NDFIP1: variants seen among roughly 807,000 people sequenced by gnomAD.
NDFIP1 encodes NEDD4 family-interacting protein 1.
Under a neutral mutation model 28.8 loss-of-function variants are expected in NDFIP1, and 7 were observed. The observed-to-expected ratio is 0.24, with a 90% CI of 0.14 to 0.46. The LOEUF (loss-of-function observed/expected upper bound fraction) is 0.46. NDFIP1 is among the 20% of genes least tolerant of loss of function. NDFIP1 has a pLI of 0.99. For missense variants in NDFIP1, 194 were observed against 269.1 expected, an observed-to-expected ratio of 0.72 and a Z score of 1.95; for synonymous variants, 92 against 101.0, an observed-to-expected ratio of 0.91 and a Z score of 0.53.
chr5:142,140,536 T>C, intron 5 of NDFIP1, 27 bp from the exon 6 acceptor site: 1 of 1,579,800 alleles, frequency 6.3e-7, no homozygotes, highest in African/African-American at 1.4e-5. Flanking sequence ...GTTAAGCTGC[T>C]ATAAAGTGTT....
intron 3 of NDFIP1, among the ~76,000 whole-genome samples, chr5:142,134,601 A>G (rs1338135349): frequency 6.6e-6 from 1 of 152,186 alleles, no homozygotes; most frequent in Non-Finnish European, 1.5e-5. Context: ...TTCTGTGTAC[A>G]ACAAGTTTTG....
chr5:142,115,154 T>G (rs13184323), intron 1 of NDFIP1, among the ~76,000 whole-genome samples: 102,401 of 152,102 alleles, frequency 0.67, 34,805 homozygotes, highest in African/African-American at 0.77. Context: ...AGAAAAAAAG[T>G]CTCCAAGAGA....
intron 1 of NDFIP1, among the ~76,000 whole-genome samples, chr5:142,110,121 GT>G (rs1303469256): frequency 6.6e-6 from 1 of 152,166 alleles, no homozygotes; most frequent in African/African-American, 2.4e-5. Context: ...CCGGTTACTG[GT>G]TTGTTTTGCT....
intron 1 of NDFIP1, among the ~76,000 whole-genome samples, chr5:142,128,593 C>G (rs191528812): frequency 6.6e-6 from 1 of 152,270 alleles, no homozygotes; most frequent in Non-Finnish European, 1.5e-5. Context: ...CCCGCGATCC[C>G]CCTACATTGC....
chr5:142,136,919 CCG>C (rs1311177204), intron 4 of NDFIP1, among the ~76,000 whole-genome samples: 3 of 17,790 alleles, frequency 1.7e-4, no homozygotes, highest in African/African-American at 4.2e-4. Context: ...CAAAAATTAG[CCG>C]TTAGCCGGGC....
At chr5:142,112,992 C>T (rs1350239141) in intron 1 of NDFIP1, among the ~76,000 whole-genome samples, 4 of 152,120 alleles carry the variant, frequency 2.6e-5, no homozygotes, top group Non-Finnish European at 4.4e-5. Flanking sequence ...CATAGATGAA[C>T]GCAGATCTTC....
chr5:142,119,092 A>T (rs1757097533), intron 1 of NDFIP1, among the ~76,000 whole-genome samples: 1 of 152,234 alleles, frequency 6.6e-6, no homozygotes, highest in Non-Finnish European at 1.5e-5. Context: ...GTGGGTATAC[A>T]CATCTGTAAC....
chr5:142,122,973 T>C (rs185809999), intron 1 of NDFIP1, among the ~76,000 whole-genome samples: 2 of 152,288 alleles, frequency 1.3e-5, no homozygotes, highest in Admixed American at 6.5e-5. Context: ...TGGTTTTGTT[T>C]TGTGTTTTAG....
At chr5:142,112,339 C>T (rs966594944) in intron 1 of NDFIP1, among the ~76,000 whole-genome samples, 1 of 151,304 alleles carries the variant, frequency 6.6e-6, no homozygotes, top group African/African-American at 2.4e-5. Flanking sequence ...GAACTGAGAT[C>T]GTGCCACTGC....
Position 142,117,389 on chromosome 5 carries a change from G to T in NDFIP1, c.63+8352G>T, listed in dbSNP as rs368101745. On this transcript the variant is annotated intron_variant, in intron 1 of 7. Coordinates refer to ENST00000253814, the MANE Select transcript of NDFIP1 (RefSeq NM_030571.4). The stretch of plus-strand genomic sequence containing the variant: ...CTCCTGAGTAGCTGGGACTACAGGC[G>T]CCCGCTATCACGCCCAGCTAATTTT... 8.6e-5 allele frequency among the ~76,000 whole-genome samples: 13 copies of T among 151,476 alleles called. No individual in the cohort carries two copies. The East Asian group carries it at 1.2e-3, about 14-fold the overall frequency.
chr5:142,125,352 G>A, intron 1 of NDFIP1, among the ~76,000 whole-genome samples: 1 of 152,144 alleles, frequency 6.6e-6, no homozygotes, highest in East Asian at 1.9e-4. Flanking sequence ...ATTGCTTGAT[G>A]TTAATATAAA....
chr5:142,131,705 C>T (rs1387589764), intron 1 of NDFIP1, 103 bp from the exon 2 acceptor site: 29 of 771,724 alleles, frequency 3.8e-5, no homozygotes, highest in Admixed American at 2.9e-4. Flanking sequence ...TTTCAAAATA[C>T]GTTGCCAAAT....
chr5:142,112,163 A>G (rs1464948474), intron 1 of NDFIP1, among the ~76,000 whole-genome samples: 1 of 152,144 alleles, frequency 6.6e-6, no homozygotes. Context: ...CAGATCACAA[A>G]GATCACGAGG....
chr5:142,136,112 C>G (rs577397577), intron 4 of NDFIP1, among the ~76,000 whole-genome samples: 1 of 152,276 alleles, frequency 6.6e-6, no homozygotes, highest in Admixed American at 6.5e-5. Context: ...TTTTGCGTTG[C>G]TTCTACTCAT....
rs1027303768 is a variant in NDFIP1, at chr5:142,153,415, G to T, written c.*1687G>T. On this transcript the variant is annotated 3_prime_UTR_variant, in exon 8 of 8. Transcript: ENST00000253814. ...AGAATCAGCATAGGAAGTCGTTCAGGATATCAGTATATAATGCACAGAAGT... is the reference window on the plus strand; with the variant it reads ...AGAATCAGCATAGGAAGTCGTTCAGTATATCAGTATATAATGCACAGAAGT... 2.2e-6 allele frequency: 1 copy of T among 457,060 alleles called. No homozygotes were observed. The highest frequency in any genetic ancestry group is 4.4e-6 in the Non-Finnish European group (1 of 227,040). 28.3% of individuals were successfully genotyped at this position (457,060 alleles called of 1,614,324 possible).
intron 5 of NDFIP1, among the ~76,000 whole-genome samples, chr5:142,140,020 T>C (rs1029926675): frequency 3.3e-5 from 5 of 152,218 alleles, no homozygotes; most frequent in Non-Finnish European, 7.3e-5. Context: ...CTAAAAGCTG[T>C]CATATTTAAC....
chr5:142,144,640 A>G lies in NDFIP1; in HGVS notation c.632A>G (p.Asn211Ser), dbSNP rs1323810470. The G allele has an allele frequency of 6.2e-7, 1 of 1,612,834 alleles. No individual in the cohort carries two copies. The highest frequency in any genetic ancestry group is 8.5e-7 in the Non-Finnish European group (1 of 1,179,252). ...CGGAAGATGCCAGAAACTTTCTCAAATCTCCCCAGGACCAGAGTTCTCTTT... is the reference window on the plus strand; with the variant it reads ...CGGAAGATGCCAGAAACTTTCTCAAGTCTCCCCAGGACCAGAGTTCTCTTT... ...KVRKMPETFS[N>S]LPRTRVLFIY The change falls in exon 7 of 8, where the codon AAT (asparagine) becomes AGT (serine). Residue 211 changes from asparagine to serine, a missense_variant. Physicochemically the swap from Asn to Ser is conservative, Grantham distance 46 (BLOSUM62 1). Coordinates refer to ENST00000253814, the MANE Select transcript of NDFIP1 (RefSeq NM_030571.4).
intron 6 of NDFIP1, chr5:142,142,940 A>AAAAATATATATATATATAT (rs60076432): frequency 5.2e-5 from 2 of 38,122 alleles, no homozygotes; most frequent in Non-Finnish European, 8.8e-5. Flanking sequence ...AAAAAAAAAA[A>AAAAATATATATATATATAT]ATATATATAT....
chr5:142,120,343 C>T (rs1193452847), intron 1 of NDFIP1, among the ~76,000 whole-genome samples: 1 of 152,172 alleles, frequency 6.6e-6, no homozygotes, highest in African/African-American at 2.4e-5. Context: ...CTCATTTTCA[C>T]TTGTACTTCT....
Sources: gnomAD v4.1 joint callset for allele counts (sites outside exome capture counted in the v4.1 genomes callset) on GRCh38, gnomAD v4.1.1 for gene constraint, MANE v1.5 for transcripts, NCBI Gene and HGNC (gene_info 2026-07-23, HGNC 2026-07-21) for gene names.